The following CD1B variants were observed in gnomAD, a reference collection of about 807,000 sequenced individuals.
CD1B encodes the protein CD1b molecule, also known as T-cell surface glycoprotein CD1b.
In CD1B, 43 loss-of-function variants were observed where a neutral mutation model predicts 39.8. The observed-to-expected ratio is 1.08, with a 90% CI of 0.85 to 1.39. CD1B has a LOEUF of 1.39. CD1B is among the 40% of genes most tolerant of loss of function. The pLI is 0.00. For missense variants in CD1B, 495 were observed against 403.8 expected (o/e 1.23, Z -1.94); for synonymous variants, 192 against 152.5 (o/e 1.26, Z -1.91).
At chr1:158,328,860 C>A in intron 5 of CD1B, 61 bp downstream of exon 5, 2 of 1,136,166 alleles carry the variant, frequency 1.8e-6, no homozygotes, top group African/African-American at 1.6e-5. Context: ...TGGTAAAAAA[C>A]AGTGGAAGGG....
chr1:158,289,392 G>A, the CD1B span, among the ~76,000 whole-genome samples: 1 of 152,166 alleles, frequency 6.6e-6, no homozygotes, highest in Non-Finnish European at 1.5e-5. Context: ...ATTCTGAATG[G>A]CTGCAATTTA....
At chr1:158,303,133 G>C in the CD1B span, among the ~76,000 whole-genome samples, 57,149 of 151,972 alleles carry the variant, frequency 0.38, 12,801 homozygotes, top group African/African-American at 0.63. Flanking sequence ...TCAACATACA[G>C]AAATCAGTAA....
At chr1:158,318,121 G>A in the CD1B span, among the ~76,000 whole-genome samples, 1 of 152,124 alleles carries the variant, frequency 6.6e-6, no homozygotes, top group African/African-American at 2.4e-5. Context: ...GTGTGGTGCT[G>A]AAAAAAATGT....
the CD1B span, among the ~76,000 whole-genome samples, chr1:158,300,609 G>A: frequency 6.6e-6 from 1 of 152,050 alleles, no homozygotes; most frequent in African/African-American, 2.4e-5. Context: ...TATTGTGTGG[G>A]AGTATAAGTC....
At chr1:158,307,772 C>T in the CD1B span, among the ~76,000 whole-genome samples, 15 of 151,644 alleles carry the variant, frequency 9.9e-5, no homozygotes, top group African/African-American at 3.4e-4. Flanking sequence ...AGTCCTTTGA[C>T]AAAATTCAAC....
chr1:158,291,983 TA>T, the CD1B span: 1 of 1,223,386 alleles, frequency 8.2e-7, no homozygotes, highest in Non-Finnish European at 1.1e-6. Flanking sequence ...CACATCCATG[TA>T]AAACTTTCTT....
At chr1:158,325,798 A>G (rs943607549), downstream of CD1B, among the ~76,000 whole-genome samples, 5 of 152,174 alleles carry the variant, frequency 3.3e-5, no homozygotes, top group African/African-American at 1.2e-4. Flanking sequence ...GTTATTAAGT[A>G]CATTCACACT....
In CD1B at chr1:158,331,413, A is replaced by G. The variant is rs1002377629; in HGVS notation, c.11T>C (p.Leu4Pro). The change falls in exon 1 of 6, where the codon CTG becomes CCG. Residue 4 changes from leucine to proline, a missense_variant. Coordinates refer to ENST00000368168, the MANE Select transcript of CD1B (RefSeq NM_001764.3). MLL[L>P]PFQLLAVLFP... ...GAGAACAGCTAACAGTTGAAATGGC[A>G]GCAGCAGCATTTCACTGGGAGATGC... The G allele has an allele frequency of 1.2e-6, 2 of 1,613,192 alleles. No homozygotes were observed. Among genetic ancestry groups the G allele is most frequent in the Non-Finnish European group, 1.7e-6 (2 of 1,179,136 alleles).
At chr1:158,313,188 GA>G in the CD1B span, among the ~76,000 whole-genome samples, 1 of 152,108 alleles carries the variant, frequency 6.6e-6, no homozygotes, top group Non-Finnish European at 1.5e-5. Context: ...TGCATCCCTG[GA>G]ATGAATGCCA....
the CD1B span, among the ~76,000 whole-genome samples, chr1:158,285,444 C>T: frequency 6.6e-6 from 1 of 152,040 alleles, no homozygotes; most frequent in Non-Finnish European, 1.5e-5. Context: ...CAGGGTGGTG[C>T]TTAGAATGAA....
the CD1B span, among the ~76,000 whole-genome samples, chr1:158,286,492 A>G: frequency 3.3e-5 from 5 of 152,162 alleles, no homozygotes; most frequent in Non-Finnish European, 7.4e-5. Context: ...AGCAATTTGA[A>G]TATTTTAGGC....
At chr1:158,317,195 T>C in the CD1B span, among the ~76,000 whole-genome samples, 1 of 151,684 alleles carries the variant, frequency 6.6e-6, no homozygotes, top group Non-Finnish European at 1.5e-5. Context: ...TTAGGGAGGA[T>C]TCCCTCTTTT....
intron 2 of CD1B, chr1:158,330,451 T>G: frequency 1.8e-6 from 1 of 550,346 alleles, no homozygotes. Flanking sequence ...GGGGAGGAGA[T>G]GATTGAAAAG....
the CD1B span, among the ~76,000 whole-genome samples, chr1:158,296,965 C>T: frequency 1.3e-5 from 2 of 152,078 alleles, no homozygotes; most frequent in Non-Finnish European, 2.9e-5. Context: ...GAGACCAAAC[C>T]TGTACTCACT....
chr1:158,303,600 G>A, the CD1B span, among the ~76,000 whole-genome samples: 289 of 152,210 alleles, frequency 1.9e-3, 2 homozygotes, highest in Middle Eastern at 3.4e-3. Context: ...CAATGTACAA[G>A]AATCAGTAGC....
the CD1B span, among the ~76,000 whole-genome samples, chr1:158,306,386 T>C: frequency 5.7e-4 from 87 of 152,200 alleles, no homozygotes; most frequent in Non-Finnish European, 5.1e-4. Flanking sequence ...CTAACTATCC[T>C]AAATATTTAT....
Position 158,331,160 on chromosome 1 carries a change from A to G in CD1B, c.62-98T>C, listed in dbSNP as rs968210943. ...AAAATGATTTAGAAAACAAGAACCT[A>G]GAGTCTAAAGAACACAGGAAGTCTG... On this transcript the variant is annotated intron_variant, in intron 1 of 5. Coordinates refer to ENST00000368168, the MANE Select transcript of CD1B (RefSeq NM_001764.3). 4 of 1,296,334 alleles carry G rather than the reference A, an allele frequency of 3.1e-6. No homozygotes were observed. The Admixed American group carries it at 6.7e-5, about 22-fold the overall frequency. 80.3% of individuals were successfully genotyped at this position (1,296,334 alleles called of 1,614,324 possible).
At chr1:158,328,795 TG>T in intron 5 of CD1B, 125 bp downstream of exon 5, 1 of 667,804 alleles carries the variant, frequency 1.5e-6, no homozygotes. Context: ...AATGGGAGTT[TG>T]GGGAAAGGAT....
At chr1:158,325,960 T>C (rs80116305), downstream of CD1B, among the ~76,000 whole-genome samples, 4,064 of 152,172 alleles carry the variant, frequency 0.027, 70 homozygotes, top group Non-Finnish European at 0.043. Flanking sequence ...ACATCACAAA[T>C]CTATTTATTT....
Sources: allele counts gnomAD v4.1 joint callset (sites outside exome capture counted in the v4.1 genomes callset), GRCh38; gene constraint gnomAD v4.1.1; transcripts MANE v1.5; gene names NCBI Gene and HGNC (gene_info 2026-07-23, HGNC 2026-07-21).